RTN1: variants seen among roughly 807,000 people sequenced by gnomAD.
The protein encoded by RTN1 is reticulon-1.
RTN1 carries 25 observed loss-of-function variants against 65.5 expected under a neutral mutation model. That is an observed-to-expected ratio of 0.38 (90% CI 0.28 to 0.53). The LOEUF (loss-of-function observed/expected upper bound fraction) is 0.53, where lower values mean the gene tolerates loss of function less well. Among genes scored for constraint, RTN1 ranks in the 20% least tolerant of loss-of-function variants. The probability of loss-of-function intolerance (pLI) is 0.79; values close to 1 mark genes in which losing one functional copy is unlikely to be tolerated. For synonymous variants in RTN1, 471 were observed against 447.6 expected (o/e 1.05, Z -0.66); for missense variants, 983 against 1,025.4 (o/e 0.96, Z 0.57).
intron 1 of RTN1, among the ~76,000 whole-genome samples, chr14:59,791,693 G>A (rs1328829140): frequency 6.6e-6 from 1 of 152,112 alleles, no homozygotes; most frequent in African/African-American, 2.4e-5. Context: ...ACTTCCTGTA[G>A]GCCCTTACCT....
chr14:59,667,104 T>C (rs1202594887), intron 3 of RTN1, among the ~76,000 whole-genome samples: 2 of 152,044 alleles, frequency 1.3e-5, no homozygotes, highest in Admixed American at 6.6e-5. Context: ...CCCTAACTCA[T>C]TTTATGAGGC....
intron 3 of RTN1, among the ~76,000 whole-genome samples, chr14:59,721,166 C>A (rs1391527251): frequency 6.6e-6 from 1 of 152,154 alleles, no homozygotes; most frequent in Non-Finnish European, 1.5e-5. Context: ...TTTGAGAAGA[C>A]CTCCACCTGG....
intron 3 of RTN1, among the ~76,000 whole-genome samples, chr14:59,641,164 T>G (rs1402710025): frequency 6.6e-6 from 1 of 152,062 alleles, no homozygotes; most frequent in Non-Finnish European, 1.5e-5. Context: ...GATGGAGTTT[T>G]GCCATGTTAC....
chr14:59,802,432 G>A (rs1886564444), intron 1 of RTN1, among the ~76,000 whole-genome samples: 1 of 152,152 alleles, frequency 6.6e-6, no homozygotes, highest in Admixed American at 6.5e-5. Flanking sequence ...ACAGTGGGGG[G>A]ATGTGATTTT....
chr14:59,746,060 G>C lies in RTN1; in HGVS notation c.663C>G (p.Asp221Glu), dbSNP rs1183062917. Residue 221 changes from aspartate (D) to glutamate (E), a missense_variant, in exon 2 of 9, where the codon GAC (aspartate) becomes GAG (glutamate). This residue lies in a region of RTN1 where 818 missense variants were observed against 801.8 expected (regional missense o/e 1.02). Coordinates refer to ENST00000267484, the MANE Select transcript of RTN1 (RefSeq NM_021136.3). Reference protein sequence around the residue: ...HHPELEDKDLDFKNKDTDISI... With the variant: ...HHPELEDKDLEFKNKDTDISI... The stretch of plus-strand genomic sequence containing the variant: ...AGATGTCAGTGTCTTTATTCTTAAA[G>C]TCCAAGTCTTTATCTTCCAGCTCGG... The C allele has an allele frequency of 1.2e-6, 2 of 1,614,144 alleles. No individual in the cohort carries two copies. The highest frequency in any genetic ancestry group is 1.7e-6 in the Non-Finnish European group (2 of 1,180,012).
chr14:59,662,173 T>TA (rs201649264), intron 3 of RTN1, among the ~76,000 whole-genome samples: 19 of 151,254 alleles, frequency 1.3e-4, no homozygotes, highest in South Asian at 4.2e-4. Context: ...CTTTTTTTTT[T>TA]ATTATACTTT....
intron 3 of RTN1, among the ~76,000 whole-genome samples, chr14:59,663,988 A>T (rs1222346173): frequency 6.6e-6 from 1 of 152,192 alleles, no homozygotes; most frequent in Non-Finnish European, 1.5e-5. Context: ...AAGGATTATA[A>T]ATCATTCTAC....
intron 2 of RTN1, among the ~76,000 whole-genome samples, chr14:59,739,772 G>A (rs1040490295): frequency 6.6e-6 from 1 of 152,162 alleles, no homozygotes; most frequent in Admixed American, 6.5e-5. Context: ...GAGCCTGAGT[G>A]AATAAAATGA....
chr14:59,686,476 T>C (rs574617548), intron 3 of RTN1, among the ~76,000 whole-genome samples: 159 of 152,340 alleles, frequency 1.0e-3, no homozygotes, highest in Middle Eastern at 3.4e-3. Flanking sequence ...AGATGGTGAA[T>C]GTTAAAGCAT....
chr14:59,606,118 ATATATAT>A lies in RTN1; in HGVS notation c.1974-619_1974-613del, dbSNP rs1566658084. On this transcript the variant is annotated intron_variant, in intron 4 of 8. Coordinates refer to ENST00000267484, the MANE Select transcript of RTN1 (RefSeq NM_021136.3). ...GGAAAAACATGATATATATATATATATATATATATCATACCAGCTTAAGCCTCCTCTG... is the reference window on the plus strand; with the variant it reads ...GGAAAAACATGATATATATATATATAATCATACCAGCTTAAGCCTCCTCTG... 4 of 83,400 alleles carry A rather than the reference ATATATAT, an allele frequency of 4.8e-5. 1 individual carries two copies. Among genetic ancestry groups the A allele is most frequent in the African/African-American group, 1.9e-4 (4 of 20,870 alleles). The allele number at this position is 83,400 out of a possible 1,614,324, so 5.2% of individuals were successfully genotyped here. A position where few individuals can be genotyped will look rare whatever the true frequency, so the allele number is the denominator to read the frequency against.
intron 1 of RTN1, among the ~76,000 whole-genome samples, chr14:59,811,374 A>G (rs541945503): frequency 6.6e-6 from 1 of 152,226 alleles, no homozygotes; most frequent in Admixed American, 6.5e-5. Context: ...CCACATTACA[A>G]GCTAAAATCA....
chr14:59,761,322 C>T (rs1304764934), intron 1 of RTN1, among the ~76,000 whole-genome samples: 3 of 152,152 alleles, frequency 2.0e-5, no homozygotes, highest in Non-Finnish European at 2.9e-5. Context: ...ATCATGGGGG[C>T]GGTTTCCCCC....
chr14:59,821,152 G>C (rs1886936581), intron 1 of RTN1, among the ~76,000 whole-genome samples: 1 of 152,136 alleles, frequency 6.6e-6, no homozygotes, highest in Non-Finnish European at 1.5e-5. Flanking sequence ...ATCATGAAAT[G>C]TTTTTCCATT....
At chr14:59,628,821 AGATT>A (rs1017923989) in intron 3 of RTN1, among the ~76,000 whole-genome samples, 32 of 152,256 alleles carry the variant, frequency 2.1e-4, no homozygotes, top group African/African-American at 7.5e-4. Context: ...GTGATGAAAT[AGATT>A]AAGATATTTA....
At chr14:59,697,830 G>A (rs1884094585) in intron 3 of RTN1, among the ~76,000 whole-genome samples, 1 of 152,126 alleles carries the variant, frequency 6.6e-6, no homozygotes, top group Non-Finnish European at 1.5e-5. Context: ...AATTGGGTGT[G>A]CACAGTGAGG....
At chr14:59,833,613 T>A (rs1250597247) in intron 1 of RTN1, among the ~76,000 whole-genome samples, 1 of 152,154 alleles carries the variant, frequency 6.6e-6, no homozygotes, top group African/African-American at 2.4e-5. Flanking sequence ...GAGTTTGGTG[T>A]ACATATAACT....
At chr14:59,709,621 GC>G (rs1884372781) in intron 3 of RTN1, among the ~76,000 whole-genome samples, 1 of 152,088 alleles carries the variant, frequency 6.6e-6, no homozygotes, top group South Asian at 2.1e-4. Flanking sequence ...GGAGAATCTT[GC>G]CCCCTGCCTT....
In RTN1 at chr14:59,727,146, C is replaced by G. The variant is rs767378002; in HGVS notation, c.1538G>C (p.Arg513Pro). ...GVRAEERAPS[R>P]RGLAEPGSFL... ...GGAACCCGGCTCGGCCAGGCCCCGCCGGCTTGGCGCACGCTCCTCGGCCCG... is the reference window on the plus strand; with the variant it reads ...GGAACCCGGCTCGGCCAGGCCCCGCGGGCTTGGCGCACGCTCCTCGGCCCG... Residue 513 changes from arginine to proline, a missense_variant, in exon 3 of 9, where the codon CGG (arginine) becomes CCG (proline). Physicochemically the swap from Arg to Pro is moderately radical, Grantham distance 103. This residue lies in a region of RTN1 where 818 missense variants were observed against 801.8 expected (regional missense o/e 1.02). Transcript: ENST00000267484. This position sits in a 1 kb window ranked among gnomAD's most constrained non-coding sequence, Gnocchi z 4.2. 2 of 1,600,808 alleles carry G rather than the reference C, an allele frequency of 1.2e-6. No homozygotes were observed. Among genetic ancestry groups the G allele is most frequent in the East Asian group, 2.3e-5 (1 of 44,306 alleles).
chr14:59,712,365 T>C (rs1048876094), intron 3 of RTN1, among the ~76,000 whole-genome samples: 1 of 152,158 alleles, frequency 6.6e-6, no homozygotes, highest in African/African-American at 2.4e-5. Flanking sequence ...TTCTGAGATA[T>C]TATGGGTGAG....
Sources: gnomAD v4.1 joint callset for allele counts (sites outside exome capture counted in the v4.1 genomes callset) on GRCh38, gnomAD v4.1.1 for gene constraint, gnomAD v4.1.1 regional missense constraint, Gnocchi (gnomAD v3.1) non-coding constraint, MANE v1.5 for transcripts, NCBI Gene and HGNC (gene_info 2026-07-23, HGNC 2026-07-21) for gene names.